ARID3A: variants seen among roughly 807,000 people sequenced by gnomAD.
ARID3A encodes AT-rich interactive domain-containing protein 3A.
In ARID3A, 11 loss-of-function variants were observed where a neutral mutation model predicts 52.7. The ratio of observed to expected loss-of-function variants is 0.21; its 90% confidence interval spans 0.13 to 0.35. The LOEUF is 0.35. ARID3A is among the 10% of genes least tolerant of loss of function. ARID3A has a pLI of 1.00. For synonymous variants in ARID3A, 404 were observed against 359.4 expected, an observed-to-expected ratio of 1.12 and a Z score of -1.40; for missense variants, 721 against 838.5, an observed-to-expected ratio of 0.86 and a Z score of 1.73.
intron 3 of ARID3A, among the ~76,000 whole-genome samples, chr19:935,262 G>T (rs1041196056): frequency 6.6e-6 from 1 of 152,252 alleles, no homozygotes; most frequent in Non-Finnish European, 1.5e-5. Context: ...GCCGCGGCGG[G>T]GGGCCGGGCG....
At chr19:962,039 C>T (rs2038052177) in intron 4 of ARID3A, 1 of 152,156 alleles carries the variant, frequency 6.6e-6, no homozygotes, top group Non-Finnish European at 1.5e-5. Context: ...CTGGGAATTC[C>T]TACAGGACAG....
At position 933,721 on chromosome 19, in the gene ARID3A, G is replaced by A. The variant is rs552301103; in HGVS notation, c.693+979G>A. Among the ~76,000 whole-genome samples the A allele has an allele frequency of 2.6e-5, 4 of 152,248 alleles. No homozygotes were observed. The South Asian group carries it at 6.2e-4, about 24-fold the overall frequency. On this transcript the variant is annotated intron_variant, in intron 3 of 8. Transcript: ENST00000263620. ...TCCAGGGGTGCCGGGTAGCTTAAGG[G>A]GCGGCCCTAACCCCAGCAGCCCTCA...
At position 968,402 on chromosome 19, in the gene ARID3A, C is replaced by T; in HGVS notation, c.1496-3C>T. 2.5e-6 allele frequency: 4 copies of T among 1,608,686 alleles called. No individual in the cohort carries two copies. Among genetic ancestry groups the T allele is most frequent in the Non-Finnish European group, 3.4e-6 (4 of 1,177,784 alleles). ...AGAAACTAATTTGTTCTTCTTCCCA[C>T]AGCCTCCGAAAGCCGCCAGGACTCT... On this transcript the variant is annotated splice_polypyrimidine_tract_variant and splice_region_variant and intron_variant, in intron 7 of 8. Transcript: ENST00000263620.
chr19:927,097 G>T (rs1230533671), intron 1 of ARID3A, among the ~76,000 whole-genome samples: 1 of 151,970 alleles, frequency 6.6e-6, no homozygotes, highest in Non-Finnish European at 1.5e-5. Context: ...GCCACCCGCG[G>T]GCCCGGGGCC....
intron 4 of ARID3A, among the ~76,000 whole-genome samples, chr19:963,224 G>A (rs903148942): frequency 2.6e-5 from 4 of 152,186 alleles, no homozygotes; most frequent in Non-Finnish European, 2.9e-5. Context: ...GGCGATGGGC[G>A]TCCCCTCCCA....
At chr19:969,536 TTCTC>T (rs1384331358) in intron 8 of ARID3A, among the ~76,000 whole-genome samples, 1 of 151,580 alleles carries the variant, frequency 6.6e-6, no homozygotes, top group Non-Finnish European at 1.5e-5. Flanking sequence ...GATCCCGTCC[TTCTC>T]TCTCTCTATA....
rs778179350 is a variant in ARID3A at position 965,048 on chromosome 19, G to T, written c.1166G>T (p.Ser389Ile). 2.5e-6 allele frequency: 4 copies of T among 1,612,404 alleles called. No individual in the cohort carries two copies. The Admixed American group carries it at 5.0e-5, about 20-fold the overall frequency. Residue 389 changes from serine to isoleucine, a missense_variant, in exon 6 of 9, where the codon AGC becomes ATC. Around this residue, in one of 5 missense-constraint regions of ARID3A, gnomAD observed 297 missense variants for 343.2 expected, o/e 0.87. Coordinates refer to ENST00000263620, the MANE Select transcript of ARID3A (RefSeq NM_005224.3). ...GGCCTGGCCGCAAGCACCAATGGCA[G>T]CTCCATCACCCCCGCCCCTAAGATC... ...SLGLAASTNG[S>I]SITPAPKIKK... is the part of the protein sequence containing the mutation.
intron 2 of ARID3A, among the ~76,000 whole-genome samples, chr19:931,456 A>AAAG (rs71174333): frequency 0.24 from 35,024 of 148,500 alleles, 4,702 homozygotes; most frequent in East Asian, 0.33. Context: ...TGTCTCAAAA[A>AAAG]AAAAAAAAAA....
In ARID3A at chr19:953,476, C is replaced by A. The variant is rs899347294; in HGVS notation, c.694-6616C>A. Among the ~76,000 whole-genome samples, 7 of 125,232 alleles carry A rather than the reference C, an allele frequency of 5.6e-5. No homozygotes were observed. In the East Asian group the frequency reaches 1.5e-3, roughly 28 times the overall value. The allele number at this position is 125,232 out of a possible 152,430, so 82.2% of individuals were successfully genotyped here. ...CTCCCACCCCCCCAGGCCTCCCACA[C>A]CCCCCCCCGTGCAGAGCCGGGGGAG... On this transcript the variant is annotated intron_variant, in intron 3 of 8. Coordinates refer to ENST00000263620, the MANE Select transcript of ARID3A (RefSeq NM_005224.3).
In ARID3A at chr19:929,363, G is replaced by GGCCCCCCCCCCCC; in HGVS notation, c.-166_-165insGCCCCCCCCCCCC. 3.5e-5 allele frequency: 9 copies of GGCCCCCCCCCCCC among 259,262 alleles called. No individual in the cohort carries two copies. The highest frequency in any genetic ancestry group is 4.6e-5 in the Non-Finnish European group (7 of 151,228). 16.1% of individuals were successfully genotyped at this position (259,262 alleles called of 1,614,324 possible). ...ATCAGCCTTCAGCTTGAGCCCGGCG[G>GGCCCCCCCCCCCC]CCCCCGCCCCCGCCCCCTGCCACCC... On this transcript the variant is annotated 5_prime_UTR_variant, in exon 2 of 9. Coordinates refer to ENST00000263620, the MANE Select transcript of ARID3A (RefSeq NM_005224.3). This position sits in a 1 kb window ranked among gnomAD's most constrained non-coding sequence, Gnocchi z 6.2.
chr19:928,087 T>A (rs2037238533), intron 1 of ARID3A, among the ~76,000 whole-genome samples: 1 of 151,938 alleles, frequency 6.6e-6, no homozygotes. Flanking sequence ...TGCCTCCTCG[T>A]CTCTCCAGGC....
rs964139584 is a variant in ARID3A, at chr19:941,118, G to A, written c.693+8376G>A. Among the ~76,000 whole-genome samples, 3 of 152,278 alleles carry A rather than the reference G, an allele frequency of 2.0e-5. No homozygotes were observed. The highest frequency in any genetic ancestry group is 2.9e-5 in the Non-Finnish European group (2 of 67,998). On this transcript the variant is annotated intron_variant, in intron 3 of 8. Transcript: ENST00000263620. The surrounding 1 kb of genome is among the most constrained non-coding windows in gnomAD (Gnocchi z 6.9). ...CCCACCCTGGTGGCTGCTGCCAAGC[G>A]CCGGCCCCGCCCCATGCTTTCTAAT... is the stretch of plus-strand genomic sequence containing the variant.
chr19:965,673 A>C (rs1465849343), intron 6 of ARID3A, among the ~76,000 whole-genome samples: 1 of 152,132 alleles, frequency 6.6e-6, no homozygotes, highest in Non-Finnish European at 1.5e-5. Flanking sequence ...CAGCCTGAGC[A>C]ACAGTAGTGA....
chr19:955,021 G>GGT (rs1568367038), intron 3 of ARID3A, among the ~76,000 whole-genome samples: 1 of 152,174 alleles, frequency 6.6e-6, no homozygotes, highest in Non-Finnish European at 1.5e-5. Flanking sequence ...GGCTCCTGTG[G>GGT]GTGTGTGGTG....
rs1222795071 is a variant in ARID3A at position 944,086 on chromosome 19, T to C, written c.693+11344T>C. Among the ~76,000 whole-genome samples, 1 of 151,330 alleles carries C rather than the reference T, an allele frequency of 6.6e-6. No homozygotes were observed. On this transcript the variant is annotated intron_variant, in intron 3 of 8. Transcript: ENST00000263620. This position sits in a 1 kb window ranked among gnomAD's most constrained non-coding sequence, Gnocchi z 5.9. ...TCTGTATGCCAGCCCGACCCTCTCATGGGCACCTACAGGGTACCTGCTGTA... is the reference window on the plus strand; with the variant it reads ...TCTGTATGCCAGCCCGACCCTCTCACGGGCACCTACAGGGTACCTGCTGTA...
intron 4 of ARID3A, chr19:961,827 G>A (rs1313856900): frequency 6.6e-6 from 1 of 152,280 alleles, no homozygotes; most frequent in Non-Finnish European, 1.5e-5. Context: ...GCTGAGGCAG[G>A]AGAATTGCTT....
chr19:957,022 G>A (rs1367053956), intron 3 of ARID3A, among the ~76,000 whole-genome samples: 2 of 152,222 alleles, frequency 1.3e-5, no homozygotes, highest in Non-Finnish European at 2.9e-5. Flanking sequence ...ATTTGTCGCA[G>A]CTCCTCCTCG....
Position 960,675 on chromosome 19 carries a change from G to A in ARID3A, c.766+511G>A, listed in dbSNP as rs2038022107. Among the ~76,000 whole-genome samples the A allele has an allele frequency of 6.6e-6, 1 of 152,052 alleles. No individual in the cohort carries two copies. The highest frequency in any genetic ancestry group is 6.6e-5 in the Admixed American group (1 of 15,256). The stretch of plus-strand genomic sequence containing the variant: ...CTGGCCCCTCCCCTCTTCCCACCAG[G>A]GCCTCAGTTTCCCCATCTGTAAAAA... On this transcript the variant is annotated intron_variant, in intron 4 of 8. Transcript: ENST00000263620. This position sits in a 1 kb window ranked among gnomAD's most constrained non-coding sequence, Gnocchi z 4.3.
rs1381409246 is a variant in ARID3A, at chr19:929,561, G to A, written c.33G>A (p.Leu11=). 1 of 1,520,654 alleles carries A rather than the reference G, an allele frequency of 6.6e-7. No homozygotes were observed. Among genetic ancestry groups the A allele is most frequent in the South Asian group, 1.2e-5 (1 of 83,526 alleles). 94.2% of individuals were successfully genotyped at this position (1,520,654 alleles called of 1,614,324 possible). Residue 11 remains leucine, a synonymous_variant, in exon 2 of 9, where the codon TTG becomes TTA. Transcript: ENST00000263620. This position sits in a 1 kb window ranked among gnomAD's most constrained non-coding sequence, Gnocchi z 6.2. ...TACAGGCCGTGATGGAGACGCTGTTGCAGCGGCAGCAGCGGGCGCGCCAGG... is the reference window on the plus strand; with the variant it reads ...TACAGGCCGTGATGGAGACGCTGTTACAGCGGCAGCAGCGGGCGCGCCAGG... The part of the protein sequence containing the change: MKLQAVMETL[L]QRQQRARQEL...
Sources: allele counts gnomAD v4.1 joint callset (sites outside exome capture counted in the v4.1 genomes callset), GRCh38; gene constraint gnomAD v4.1.1; regional missense constraint gnomAD v4.1.1; non-coding constraint Gnocchi (gnomAD v3.1); transcripts MANE v1.5; gene names NCBI Gene and HGNC (gene_info 2026-07-23, HGNC 2026-07-21).